ERCC6L2: variants seen among roughly 807,000 people sequenced by gnomAD.
ERCC6L2 encodes the protein DNA excision repair protein ERCC-6-like 2.
In ERCC6L2, 77 loss-of-function variants were observed where a neutral mutation model predicts 132.0. The ratio of observed to expected loss-of-function variants is 0.58; its 90% CI spans 0.49 to 0.71. The LOEUF (loss-of-function observed/expected upper bound fraction) is 0.71, where lower values mean the gene tolerates loss of function less well. Among genes scored for constraint, ERCC6L2 ranks in the 30% least tolerant of loss-of-function variants. The pLI is 0.00. For synonymous variants in ERCC6L2, 583 were observed against 632.4 expected (o/e 0.92, Z 1.17); for missense variants, 1,542 against 1,837.6 (o/e 0.84, Z 2.94).
chr9:95,976,806 G>A (rs1832691288), intron 16 of ERCC6L2, among the ~76,000 whole-genome samples: 1 of 152,122 alleles, frequency 6.6e-6, no homozygotes, highest in Non-Finnish European at 1.5e-5. Flanking sequence ...CTTCACAAGT[G>A]TCTGACTTAT....
chr9:95,876,055 C>A lies in ERCC6L2; in HGVS notation c.17C>A (p.Pro6Gln), dbSNP rs760749677. Residue 6 changes from proline to glutamine, a missense_variant, in exon 1 of 19, where the codon CCA becomes CAA. Pro to Gln is a moderately conservative substitution (Grantham distance 76). Coordinates refer to ENST00000653738, the MANE Select transcript of ERCC6L2 (RefSeq NM_020207.7). MDPSAPQPRAETSGKD... is the reference protein window; with the variant it reads MDPSAQQPRAETSGKD... ...CCTGGCCGGATGGATCCGTCGGCGC[C>A]ACAGCCCCGCGCGGAAACCTCAGGC... 84 of 1,586,238 alleles carry A rather than the reference C, an allele frequency of 5.3e-5. No homozygotes were observed. The highest frequency in any genetic ancestry group is 1.6e-4 in the Middle Eastern group (1 of 6,066).
intron 1 of ERCC6L2, 173 bp downstream of exon 1, chr9:95,876,257 A>G: frequency 1.8e-6 from 1 of 566,138 alleles, no homozygotes; most frequent in Non-Finnish European, 3.0e-6. Flanking sequence ...CAGTGTTGAG[A>G]ACCTGGACTC....
At chr9:95,923,570 C>T (rs765698805) in intron 9 of ERCC6L2, among the ~76,000 whole-genome samples, 191 bp downstream of exon 9, 12 of 152,144 alleles carry the variant, frequency 7.9e-5, no homozygotes, top group Non-Finnish European at 1.5e-4. Flanking sequence ...GGTGTGCACT[C>T]GATAGGTCCT....
intron 17 of ERCC6L2, among the ~76,000 whole-genome samples, chr9:96,002,826 T>A (rs1833736104): frequency 6.6e-6 from 1 of 152,174 alleles, no homozygotes; most frequent in Admixed American, 6.5e-5. Context: ...AATGCAGGTT[T>A]ATTTTCATTT....
At chr9:95,999,360 C>CA (rs71368220) in intron 17 of ERCC6L2, among the ~76,000 whole-genome samples, 64,075 of 144,506 alleles carry the variant, frequency 0.44, 13,780 homozygotes, top group African/African-American at 0.49. Context: ...GACTCTGTCT[C>CA]AAAAAAAAAA....
chr9:95,929,668 C>T (rs987079514), intron 11 of ERCC6L2, among the ~76,000 whole-genome samples: 1 of 152,164 alleles, frequency 6.6e-6, no homozygotes, highest in Admixed American at 6.5e-5. Flanking sequence ...TGAATTCCTA[C>T]CACTAAGGCA....
intron 4 of ERCC6L2, among the ~76,000 whole-genome samples, chr9:95,908,244 C>T (rs1295463895): frequency 1.3e-5 from 2 of 152,062 alleles, no homozygotes; most frequent in African/African-American, 4.8e-5. Flanking sequence ...AGACAGGTCT[C>T]TTTGATTAAG....
chr9:95,918,211 A>T, intron 6 of ERCC6L2: 1 of 475,068 alleles, frequency 2.1e-6, no homozygotes. Context: ...TGTAGACATG[A>T]TGAGACAAGC....
chr9:95,983,114 A>G (rs1478771753), intron 17 of ERCC6L2, among the ~76,000 whole-genome samples: 1 of 152,216 alleles, frequency 6.6e-6, no homozygotes, highest in Admixed American at 6.5e-5. Flanking sequence ...ATAAGTCTCT[A>G]CAGTAGCCTG....
rs567580407 is a variant in ERCC6L2, at chr9:95,925,642, A to C, written c.1533+2263A>C. Among the ~76,000 whole-genome samples, 4 of 152,338 alleles carry C rather than the reference A, an allele frequency of 2.6e-5. No individual in the cohort carries two copies. In the South Asian group the frequency reaches 8.3e-4, roughly 32 times the overall value. ...TTAAACTAGCCTAATTAAGATCTCC[A>C]GTCTAAAAACATTTACTTTTCCTGT... On this transcript the variant is annotated intron_variant, in intron 9 of 18. Coordinates refer to ENST00000653738, the MANE Select transcript of ERCC6L2 (RefSeq NM_020207.7).
chr9:95,996,901 C>T (rs945699762), intron 17 of ERCC6L2, among the ~76,000 whole-genome samples: 7 of 152,186 alleles, frequency 4.6e-5, no homozygotes, highest in South Asian at 2.1e-4. Flanking sequence ...TTCTGCAGCC[C>T]GTAGATCAAG....
Position 96,004,655 on chromosome 9 carries a change from A to T in ERCC6L2, c.3628A>T (p.Asn1210Tyr). 1 of 1,341,260 alleles carries T rather than the reference A, an allele frequency of 7.5e-7. No individual in the cohort carries two copies. Among genetic ancestry groups the T allele is most frequent in the Non-Finnish European group, 9.9e-7 (1 of 1,007,720 alleles). 83.1% of individuals were successfully genotyped at this position (1,341,260 alleles called of 1,614,324 possible). A position where few individuals can be genotyped will look rare whatever the true frequency, so the allele number is the denominator to read the frequency against. ...NQKKKKVYHT[N>Y]QTTFIIGETP... ...GAAGAAGAAAAAAGTCTACCATACAAACCAGACCACCTTCATAATTGGAGA... is the reference window on the plus strand; with the variant it reads ...GAAGAAGAAAAAAGTCTACCATACATACCAGACCACCTTCATAATTGGAGA... Residue 1210 changes from asparagine (N) to tyrosine (Y), a missense_variant, in exon 18 of 19, where the codon AAC becomes TAC. Around this residue, in one of 4 missense-constraint regions of ERCC6L2, gnomAD observed 442 missense variants for 583.4 expected, o/e 0.76. Coordinates refer to ENST00000653738, the MANE Select transcript of ERCC6L2 (RefSeq NM_020207.7).
intron 4 of ERCC6L2, among the ~76,000 whole-genome samples, chr9:95,914,413 G>A (rs2132698510): frequency 6.6e-6 from 1 of 152,114 alleles, no homozygotes; most frequent in South Asian, 2.1e-4. Context: ...GAGTGCAGTG[G>A]CGCAATCTGG....
intron 17 of ERCC6L2, among the ~76,000 whole-genome samples, chr9:95,999,233 C>T (rs948976996): frequency 4.6e-5 from 7 of 152,046 alleles, no homozygotes; most frequent in African/African-American, 1.7e-4. Flanking sequence ...TGGTGGTGGG[C>T]GCCTGTAGTC....
chr9:95,944,823 T>G (rs373084628), intron 12 of ERCC6L2, among the ~76,000 whole-genome samples: 38 of 152,172 alleles, frequency 2.5e-4, no homozygotes, highest in Middle Eastern at 6.8e-3. Flanking sequence ...CCAGCAAGTT[T>G]TTATTAGCGA....
At chr9:95,981,044 A>C (rs1250862606) in intron 17 of ERCC6L2, among the ~76,000 whole-genome samples, 2 of 152,196 alleles carry the variant, frequency 1.3e-5, no homozygotes, top group Non-Finnish European at 2.9e-5. Context: ...GTATTGTCTC[A>C]GTAAGAAAAT....
rs576041730 is a variant in ERCC6L2 at position 95,875,819 on chromosome 9, T to C, written c.-220T>C. 25 of 575,704 alleles carry C rather than the reference T, an allele frequency of 4.3e-5. No individual in the cohort carries two copies. In the African/African-American group the frequency reaches 4.5e-4, roughly 10 times the overall value. 35.7% of individuals were successfully genotyped at this position (575,704 alleles called of 1,614,324 possible). A position where few individuals can be genotyped will look rare whatever the true frequency, so the allele number is the denominator to read the frequency against. On this transcript the variant is annotated 5_prime_UTR_variant, in exon 1 of 19. Transcript: ENST00000653738. Reference sequence around the variant, plus strand: ...CAGCGTCCCCTGGCTCTGCCGCCGCTCCGGACGTCGCCCTCCCGTTCTGCT... The same window carrying C: ...CAGCGTCCCCTGGCTCTGCCGCCGCCCCGGACGTCGCCCTCCCGTTCTGCT...
chr9:95,936,327 T>C (rs1355498717), intron 11 of ERCC6L2, among the ~76,000 whole-genome samples: 1 of 152,188 alleles, frequency 6.6e-6, no homozygotes, highest in East Asian at 1.9e-4. Flanking sequence ...ATTATAAAAT[T>C]AGCATTGATG....
intron 19 of ERCC6L2, among the ~76,000 whole-genome samples, chr9:96,026,185 T>C (rs113306967): frequency 3.9e-5 from 6 of 152,066 alleles, no homozygotes; most frequent in African/African-American, 1.4e-4. Context: ...TGGGAGTGCA[T>C]GAAGCAAGCT....
Sources: gnomAD v4.1 joint callset for allele counts (sites outside exome capture counted in the v4.1 genomes callset) on GRCh38, gnomAD v4.1.1 for gene constraint, gnomAD v4.1.1 regional missense constraint, MANE v1.5 for transcripts, NCBI Gene and HGNC (gene_info 2026-07-23, HGNC 2026-07-21) for gene names.